The following R3HCC1L variants were observed in gnomAD, a reference collection of about 807,000 sequenced individuals.
The protein encoded by R3HCC1L is coiled-coil domain-containing protein R3HCC1L.
In R3HCC1L, 51 loss-of-function variants were observed where a neutral mutation model predicts 59.9. That is an observed-to-expected ratio of 0.85 (90% CI 0.68 to 1.07). The LOEUF (loss-of-function observed/expected upper bound fraction) is 1.07. Among genes scored for constraint, R3HCC1L ranks in the 50% least tolerant of loss-of-function variants. The pLI, the probability that R3HCC1L is intolerant of heterozygous loss-of-function variation, is 0.00. For missense variants in R3HCC1L, 965 were observed against 933.0 expected (o/e 1.03, Z -0.45); for synonymous variants, 322 against 315.2 (o/e 1.02, Z -0.23).
chr10:98,230,432 C>T (rs1435632362), intron 5 of R3HCC1L, among the ~76,000 whole-genome samples: 2 of 151,986 alleles, frequency 1.3e-5, no homozygotes, highest in African/African-American at 4.8e-5. Flanking sequence ...GTGATATCCC[C>T]TTTATCATTT....
rs1471521538 is a variant in R3HCC1L, at chr10:98,234,495, G to A, written c.2011G>A (p.Val671Ile). 2.5e-6 allele frequency: 4 copies of A among 1,613,120 alleles called. No individual in the cohort carries two copies. In the Admixed American group the frequency reaches 5.0e-5, roughly 20 times the overall value. ...KWVDDTHALG[V>I]FSSPITARDA... ...GGTGGATGATACACATGCCCTAGGA[G>A]TATTCTCCAGTCCAATTACAGGTAT... is the stretch of plus-strand genomic sequence containing the variant. Residue 671 changes from valine (V) to isoleucine (I), a missense_variant, in exon 7 of 10, where the codon GTA (valine) becomes ATA (isoleucine). Transcript: ENST00000298999.
At chr10:98,184,376 C>G (rs1043450790) in intron 4 of R3HCC1L, among the ~76,000 whole-genome samples, 14 of 152,082 alleles carry the variant, frequency 9.2e-5, no homozygotes, top group African/African-American at 2.9e-4. Flanking sequence ...TTTAACTGTA[C>G]CTTTCTATGT....
chr10:98,201,485 A>G (rs955455211), intron 4 of R3HCC1L, among the ~76,000 whole-genome samples: 1 of 152,234 alleles, frequency 6.6e-6, no homozygotes, highest in South Asian at 2.1e-4. Context: ...CAGAAAATAG[A>G]TTTGAAATGA....
chr10:98,152,097 C>T (rs542892903), intron 1 of R3HCC1L, among the ~76,000 whole-genome samples: 2 of 152,162 alleles, frequency 1.3e-5, no homozygotes, highest in Admixed American at 6.5e-5. Context: ...CGATTGCAGG[C>T]GCGCGCCGCC....
In R3HCC1L at chr10:98,236,031, C is replaced by T. The variant is rs1195080668; in HGVS notation, c.2136C>T (p.Leu712=). 1 of 1,613,346 alleles carries T rather than the reference C, an allele frequency of 6.2e-7. No individual in the cohort carries two copies. The highest frequency in any genetic ancestry group is 8.5e-7 in the Non-Finnish European group (1 of 1,179,558). Residue 712 remains leucine (L), a synonymous_variant, in exon 9 of 10, where the codon CTC becomes CTT. Transcript: ENST00000298999. ...TTCCTTTCTTCGATTCAGAGTTCCT[C>T]CAGCCAGCAAAGGAGCGTCCTGAGA... ...KAKARAYAEF[L]QPAKERPETS...
intron 4 of R3HCC1L, among the ~76,000 whole-genome samples, chr10:98,164,556 T>C (rs868458524): frequency 3.3e-5 from 5 of 152,300 alleles, no homozygotes; most frequent in African/African-American, 7.2e-5. Context: ...TGTACCTGTC[T>C]TATTAGGAGT....
chr10:98,162,085 ACTC>A (rs1238966628), intron 2 of R3HCC1L, among the ~76,000 whole-genome samples: 3 of 148,270 alleles, frequency 2.0e-5, no homozygotes, highest in African/African-American at 7.4e-5. Context: ...TTCGTATTTA[ACTC>A]CTCGATAAAT....
chr10:98,231,051 A>G (rs1355961363), intron 5 of R3HCC1L: 2 of 423,368 alleles, frequency 4.7e-6, no homozygotes, highest in Admixed American at 5.7e-5. Flanking sequence ...GAAGTAAAAA[A>G]GTTTTTTTGA....
chr10:98,222,208 G>C (rs187471879), intron 5 of R3HCC1L, among the ~76,000 whole-genome samples: 3 of 152,168 alleles, frequency 2.0e-5, no homozygotes, highest in African/African-American at 4.8e-5. Flanking sequence ...AAGAATGCTT[G>C]TGATTTTTGT....
rs201779152 is a variant in R3HCC1L at position 98,213,064 on chromosome 10, CT to C, written c.1785+3169del. ...TATACTGTCTCTGTCTCCCTATAGT[CT>C]TTTGCAAAAATGGTGTCCATGTTAA... On this transcript the variant is annotated intron_variant, in intron 5 of 9. Transcript: ENST00000298999. Among the ~76,000 whole-genome samples, 496 of 152,176 alleles carry C rather than the reference CT, an allele frequency of 3.3e-3. 16 individuals carry two copies. The highest frequency in any genetic ancestry group is 0.026 in the Admixed American group (397 of 15,266).
intron 4 of R3HCC1L, among the ~76,000 whole-genome samples, chr10:98,179,282 A>T (rs1849379367): frequency 6.6e-6 from 1 of 152,160 alleles, no homozygotes; most frequent in African/African-American, 2.4e-5. Flanking sequence ...AAGGTTGTTG[A>T]ATTTTGTCGA....
At chr10:98,158,647 C>T (rs538386030) in intron 2 of R3HCC1L, among the ~76,000 whole-genome samples, 25 of 152,208 alleles carry the variant, frequency 1.6e-4, no homozygotes, top group South Asian at 6.2e-4. Context: ...AGGAAATTAA[C>T]GTTGATTTAA....
At chr10:98,152,016 T>G (rs373522903) in intron 1 of R3HCC1L, among the ~76,000 whole-genome samples, 7 of 152,204 alleles carry the variant, frequency 4.6e-5, no homozygotes, top group African/African-American at 1.7e-4. Context: ...GAAGCTGGAC[T>G]GTACTGCTGC....
chr10:98,172,440 A>G (rs1414236432), intron 4 of R3HCC1L, among the ~76,000 whole-genome samples: 2 of 152,198 alleles, frequency 1.3e-5, no homozygotes, highest in Non-Finnish European at 2.9e-5. Flanking sequence ...CTAGAGGTTT[A>G]CACTGCAAGT....
At position 98,209,347 on chromosome 10, in the gene R3HCC1L, T is replaced by C. The variant is rs1853239056; in HGVS notation, c.1233T>C (p.Ser411=). 1 of 1,613,892 alleles carries C rather than the reference T, an allele frequency of 6.2e-7. No homozygotes were observed. The highest frequency in any genetic ancestry group is 8.5e-7 in the Non-Finnish European group (1 of 1,179,998). Residue 411 remains serine, a synonymous_variant, in exon 5 of 10, where the codon AGT becomes AGC. Coordinates refer to ENST00000298999, the MANE Select transcript of R3HCC1L (RefSeq NM_001351015.2). ...ATGAGACCTCTATTAATACACGAAG[T>C]TTCTCAAAGTTTGTAGGAATGAGTG... ...IADETSINTR[S]FSKFVGMSAD... is the part of the protein sequence containing the mutation.
At chr10:98,198,256 C>A (rs1240497238) in intron 4 of R3HCC1L, among the ~76,000 whole-genome samples, 1 of 151,986 alleles carries the variant, frequency 6.6e-6, no homozygotes, top group African/African-American at 2.4e-5. Flanking sequence ...GCCCAGAAAT[C>A]TTATGATTTG....
intron 4 of R3HCC1L, among the ~76,000 whole-genome samples, chr10:98,183,053 C>G (rs1197422243): frequency 2.0e-5 from 3 of 152,148 alleles, no homozygotes; most frequent in African/African-American, 7.2e-5. Flanking sequence ...CACCCACTGT[C>G]CAACCAGTCC....
Position 98,209,647 on chromosome 10 carries a change from T to C in R3HCC1L, c.1533T>C (p.Ser511=). 1.2e-6 allele frequency: 2 copies of C among 1,614,016 alleles called. No homozygotes were observed. Among genetic ancestry groups the C allele is most frequent in the East Asian group, 2.2e-5 (1 of 44,858 alleles). ...SDSAVGIDLG[S]TGDTTEALHE... is the part of the protein sequence containing the mutation. ...GTGCCGTGGGCATTGACCTGGGTAGTACTGGTGATACAACAGAAGCATTGC... is the reference window on the plus strand; with the variant it reads ...GTGCCGTGGGCATTGACCTGGGTAGCACTGGTGATACAACAGAAGCATTGC... Residue 511 remains serine (S), a synonymous_variant, in exon 5 of 10, where the codon AGT becomes AGC. Transcript: ENST00000298999.
chr10:98,235,225 T>C (rs1590835154), intron 7 of R3HCC1L, among the ~76,000 whole-genome samples, 200 bp from the exon 8 acceptor site: 1 of 152,178 alleles, frequency 6.6e-6, no homozygotes, highest in East Asian at 1.9e-4. Context: ...AAACAGGTGG[T>C]TGGCTGGATT....
Sources: allele counts gnomAD v4.1 joint callset (sites outside exome capture counted in the v4.1 genomes callset), GRCh38; gene constraint gnomAD v4.1.1; transcripts MANE v1.5; gene names NCBI Gene and HGNC (gene_info 2026-07-23, HGNC 2026-07-21).